SEMA4D: variants seen among roughly 807,000 people sequenced by gnomAD.
SEMA4D encodes semaphorin-4D.
A neutral mutation model predicts 74.8 loss-of-function variants in SEMA4D; 22 were observed. The ratio of observed to expected loss-of-function variants is 0.29; its 90% confidence interval spans 0.21 to 0.42. The LOEUF is 0.42. Among genes scored for constraint, SEMA4D ranks in the 10% least tolerant of loss-of-function variants. SEMA4D has a pLI of 1.00. For synonymous variants in SEMA4D, 445 were observed against 463.7 expected (o/e 0.96, Z 0.52); for missense variants, 937 against 1,118.4 (o/e 0.84, Z 2.31).
chr9:89,407,102 A>T (rs1354640103), intron 2 of SEMA4D, among the ~76,000 whole-genome samples: 3 of 152,142 alleles, frequency 2.0e-5, no homozygotes, highest in Non-Finnish European at 4.4e-5. Context: ...CATGGTAGAG[A>T]TCACTGGCTT....
chr9:89,422,389 C>T (rs532924867), intron 2 of SEMA4D, among the ~76,000 whole-genome samples: 2 of 152,226 alleles, frequency 1.3e-5, no homozygotes, highest in Non-Finnish European at 2.9e-5. Flanking sequence ...CCACAGCAAC[C>T]GCACAGGACG....
intron 2 of SEMA4D, among the ~76,000 whole-genome samples, chr9:89,429,000 T>TG (rs112626459): frequency 0.014 from 2,116 of 151,974 alleles, 24 homozygotes; most frequent in Middle Eastern, 0.078. Context: ...TAGGTCCCTG[T>TG]GGGGGGGGTC....
At chr9:89,442,299 C>A (rs889713916) in intron 2 of SEMA4D, among the ~76,000 whole-genome samples, 1 of 152,238 alleles carries the variant, frequency 6.6e-6, no homozygotes, top group African/African-American at 2.4e-5. Context: ...GCCCCCCACT[C>A]CAGCCCCACT....
chr9:89,406,036 G>C (rs1843250990), intron 2 of SEMA4D: 1 of 681,422 alleles, frequency 1.5e-6, no homozygotes, highest in African/African-American at 1.9e-5. Flanking sequence ...GCTGTGTCCA[G>C]CTGGTAATGA....
At chr9:89,476,782 G>T (rs1861856804) in intron 1 of SEMA4D, among the ~76,000 whole-genome samples, 1 of 152,184 alleles carries the variant, frequency 6.6e-6, no homozygotes, top group African/African-American at 2.4e-5. Context: ...AGGCTCCAGA[G>T]ATGCCTCCAA....
At chr9:89,457,160 A>G (rs1372560522) in intron 1 of SEMA4D, among the ~76,000 whole-genome samples, 2 of 152,126 alleles carry the variant, frequency 1.3e-5, no homozygotes, top group East Asian at 3.9e-4. Context: ...ATGAGCAGTA[A>G]CCTACAAAGC....
intron 1 of SEMA4D, among the ~76,000 whole-genome samples, chr9:89,464,490 G>T (rs955753247): frequency 1.1e-4 from 17 of 152,278 alleles, no homozygotes; most frequent in Non-Finnish European, 1.8e-4. Context: ...GACAGGAAAA[G>T]ACAGGAGTTC....
chr9:89,458,875 T>C (rs115781306), intron 1 of SEMA4D, among the ~76,000 whole-genome samples: 4 of 151,850 alleles, frequency 2.6e-5, no homozygotes, highest in Non-Finnish European at 5.9e-5. Flanking sequence ...CACAAACACA[T>C]GCACAAACAT....
chr9:89,391,498 C>A (rs997184226), intron 8 of SEMA4D, 83 bp from the exon 9 acceptor site: 38 of 1,426,618 alleles, frequency 2.7e-5, no homozygotes, highest in Non-Finnish European at 7.8e-6. Context: ...CCGGCCAACA[C>A]TACCTTGGGG....
chr9:89,458,674 TAC>T (rs60334817), intron 1 of SEMA4D, among the ~76,000 whole-genome samples: 12,561 of 151,882 alleles, frequency 0.083, 757 homozygotes, highest in East Asian at 0.29. Flanking sequence ...CACACAAACC[TAC>T]AGAGACACAC....
chr9:89,435,232 TA>T (rs981471350), intron 2 of SEMA4D, among the ~76,000 whole-genome samples: 2 of 152,118 alleles, frequency 1.3e-5, no homozygotes, highest in African/African-American at 4.8e-5. Context: ...GCTGGTTGAG[TA>T]AACATGCAAA....
intron 2 of SEMA4D, among the ~76,000 whole-genome samples, chr9:89,454,031 G>T (rs998008214): frequency 6.6e-6 from 1 of 151,972 alleles, no homozygotes; most frequent in Non-Finnish European, 1.5e-5. Flanking sequence ...CTAATTTTTT[G>T]TATTTTTAGT....
chr9:89,398,960 C>A (rs1463393776), intron 5 of SEMA4D, among the ~76,000 whole-genome samples: 1 of 152,258 alleles, frequency 6.6e-6, no homozygotes, highest in Non-Finnish European at 1.5e-5. Flanking sequence ...GCACTATTCA[C>A]CAGTGGGCTT....
intron 2 of SEMA4D, chr9:89,450,607 A>G: frequency 1.2e-6 from 1 of 844,900 alleles, no homozygotes. Context: ...ATGAAGGTCC[A>G]GGATGCAGAG....
At chr9:89,416,818 A>G (rs1163034471) in intron 2 of SEMA4D, among the ~76,000 whole-genome samples, 2 of 152,240 alleles carry the variant, frequency 1.3e-5, no homozygotes, top group Non-Finnish European at 2.9e-5. Context: ...AAGTCAGTAG[A>G]CCAAAAATTG....
chr9:89,496,619 T>C (rs935417000), intron 1 of SEMA4D, among the ~76,000 whole-genome samples: 1 of 152,232 alleles, frequency 6.6e-6, no homozygotes, highest in Non-Finnish European at 1.5e-5. Flanking sequence ...TTCTTCTGGC[T>C]GACGACTACC....
chr9:89,449,277 G>A lies in SEMA4D; in HGVS notation c.-244+6611C>T, dbSNP rs144013580. On this transcript the variant is annotated intron_variant, in intron 2 of 15. Transcript: ENST00000422704. Reference sequence around the variant, plus strand: ...TAAAAACACTCTCAAAGCCTGATACGGTTGTTACAAGTCACTAGCTCCCAA... The same window carrying A: ...TAAAAACACTCTCAAAGCCTGATACAGTTGTTACAAGTCACTAGCTCCCAA... 2.4e-4 allele frequency among the ~76,000 whole-genome samples: 36 copies of A among 152,326 alleles called. No homozygotes were observed. The East Asian group carries it at 3.7e-3, about 16-fold the overall frequency.
intron 2 of SEMA4D, among the ~76,000 whole-genome samples, chr9:89,440,852 A>G (rs369538414): frequency 1.4e-4 from 21 of 152,352 alleles, no homozygotes; most frequent in African/African-American, 4.1e-4. Flanking sequence ...GTGCCAAGAG[A>G]ACTACAGGAG....
chr9:89,389,652 C>A (rs1260798571), intron 9 of SEMA4D, among the ~76,000 whole-genome samples: 2 of 152,234 alleles, frequency 1.3e-5, no homozygotes, highest in Non-Finnish European at 2.9e-5. Flanking sequence ...TTATAAACTA[C>A]ACATGACTGT....
Sources: allele counts gnomAD v4.1 joint callset (sites outside exome capture counted in the v4.1 genomes callset), GRCh38; gene constraint gnomAD v4.1.1; transcripts MANE v1.5; gene names NCBI Gene and HGNC (gene_info 2026-07-23, HGNC 2026-07-21).